STPG2: variants seen among roughly 807,000 people sequenced by gnomAD.
STPG2 encodes sperm tail PG-rich repeat containing 2, also known as sperm-tail PG-rich repeat-containing protein 2.
In STPG2, 56 loss-of-function variants were observed where a neutral mutation model predicts 54.2. The ratio of observed to expected loss-of-function variants is 1.03; its 90% confidence interval spans 0.83 to 1.29. STPG2 has a LOEUF of 1.29. Among genes scored for constraint, STPG2 ranks in the 50% most tolerant of loss-of-function variants. STPG2 has a pLI of 0.00. For missense variants in STPG2, 596 were observed against 544.9 expected (o/e 1.09, Z -0.93); for synonymous variants, 200 against 181.8 (o/e 1.10, Z -0.81).
chr4:97,954,089 T>C (rs1304217459), intron 7 of STPG2, among the ~76,000 whole-genome samples: 1 of 152,208 alleles, frequency 6.6e-6, no homozygotes, highest in Non-Finnish European at 1.5e-5. Context: ...GTTACCAACT[T>C]TGAATGAAAT....
chr4:97,517,284 G>A (rs1460323274), intron 4 of STPG2, among the ~76,000 whole-genome samples: 2 of 152,048 alleles, frequency 1.3e-5, no homozygotes, highest in African/African-American at 4.8e-5. Flanking sequence ...TCTGAGGCAG[G>A]AAAATTGCTT....
At chr4:98,060,767 C>A (rs537181793) in intron 5 of STPG2, among the ~76,000 whole-genome samples, 1 of 152,146 alleles carries the variant, frequency 6.6e-6, no homozygotes, top group South Asian at 2.1e-4. Context: ...GACTCCACCA[C>A]CTAAAACCAC....
intron 8 of STPG2, among the ~76,000 whole-genome samples, chr4:97,897,506 A>G (rs1477327070): frequency 6.6e-6 from 1 of 152,132 alleles, no homozygotes; most frequent in Non-Finnish European, 1.5e-5. Flanking sequence ...TAGTTGAACT[A>G]ATTTACACTC....
intron 10 of STPG2, among the ~76,000 whole-genome samples, chr4:97,609,064 T>A (rs1187234784): frequency 2.0e-5 from 3 of 152,128 alleles, no homozygotes; most frequent in Non-Finnish European, 2.9e-5. Flanking sequence ...AGCATTTTTT[T>A]ATCCTTAATT....
chr4:97,834,675 C>T (rs757074287), intron 9 of STPG2, among the ~76,000 whole-genome samples: 1 of 151,988 alleles, frequency 6.6e-6, no homozygotes, highest in Non-Finnish European at 1.5e-5. Flanking sequence ...CTAGTCTCAT[C>T]AGTTGTTTTC....
chr4:97,760,689 A>G (rs1725864841), intron 9 of STPG2, among the ~76,000 whole-genome samples: 1 of 152,194 alleles, frequency 6.6e-6, no homozygotes, highest in African/African-American at 2.4e-5. Context: ...CTTACTGTCT[A>G]TGTGCATACC....
intron 5 of STPG2, among the ~76,000 whole-genome samples, chr4:97,988,772 A>C (rs2149267813): frequency 6.6e-6 from 1 of 152,198 alleles, no homozygotes; most frequent in East Asian, 1.9e-4. Context: ...GGCCCGGCTA[A>C]CTTTTGTATT....
At chr4:98,096,677 C>CA (rs1738869221) in intron 5 of STPG2, among the ~76,000 whole-genome samples, 1 of 151,612 alleles carries the variant, frequency 6.6e-6, no homozygotes, top group Non-Finnish European at 1.5e-5. Context: ...ATTAATGAAA[C>CA]AAAAAATGGT....
intron 10 of STPG2, among the ~76,000 whole-genome samples, chr4:97,560,759 A>T (rs1732208415): frequency 6.6e-6 from 1 of 152,212 alleles, no homozygotes; most frequent in Non-Finnish European, 1.5e-5. Context: ...AGTAAAGAAG[A>T]TCAGAGACCT....
rs376861239 is a variant in STPG2 at position 97,641,131 on chromosome 4, A to G, written c.1320+71568T>C. On this transcript the variant is annotated intron_variant, in intron 10 of 10. Transcript: ENST00000295268. ...TTGTGCTAGACATGATAGCCAGGAC[A>G]ACAAAGAAAGATAAAAGAAATAAAA... Among the ~76,000 whole-genome samples the G allele has an allele frequency of 7.4e-4, 112 of 151,806 alleles. 4 individuals are homozygous for G. In the South Asian group the frequency reaches 0.022, roughly 30 times the overall value.
chr4:97,636,855 T>A (rs1024317780), intron 10 of STPG2, among the ~76,000 whole-genome samples: 8 of 151,480 alleles, frequency 5.3e-5, no homozygotes, highest in Non-Finnish European at 8.9e-5. Context: ...AATCAATAGC[T>A]TACCAACCAA....
intron 10 of STPG2, among the ~76,000 whole-genome samples, chr4:97,634,328 A>G (rs927943796): frequency 4.6e-5 from 7 of 152,244 alleles, no homozygotes; most frequent in African/African-American, 1.4e-4. Context: ...CATCCACACC[A>G]AAAACCCATC....
chr4:97,955,542 G>A (rs976497891), intron 7 of STPG2, among the ~76,000 whole-genome samples: 5 of 152,174 alleles, frequency 3.3e-5, no homozygotes, highest in South Asian at 2.1e-4. Context: ...AAGAGTGTTC[G>A]AGGCATGGTG....
chr4:97,920,136 GA>G (rs1347401387), intron 8 of STPG2, among the ~76,000 whole-genome samples: 1 of 152,160 alleles, frequency 6.6e-6, no homozygotes, highest in Non-Finnish European at 1.5e-5. Context: ...ACACTGAGAG[GA>G]CAGGATTCTG....
At chr4:97,957,330 T>C (rs1733718769) in intron 7 of STPG2, among the ~76,000 whole-genome samples, 1 of 151,486 alleles carries the variant, frequency 6.6e-6, no homozygotes, top group Non-Finnish European at 1.5e-5. Context: ...AAGAAGGAAC[T>C]TGAAGCTTGA....
intron 8 of STPG2, among the ~76,000 whole-genome samples, chr4:97,874,115 A>G (rs946831330): frequency 6.6e-6 from 1 of 151,664 alleles, no homozygotes; most frequent in Non-Finnish European, 1.5e-5. Context: ...AAAGGCAGAT[A>G]TCAAAAGTAA....
intron 5 of STPG2, among the ~76,000 whole-genome samples, chr4:98,005,362 C>G (rs142221382): frequency 6.6e-6 from 1 of 152,278 alleles, no homozygotes; most frequent in African/African-American, 2.4e-5. Context: ...CAAGTTGACA[C>G]TTAGTATTAA....
chr4:97,589,402 A>G (rs904975888), intron 10 of STPG2, among the ~76,000 whole-genome samples: 2 of 152,090 alleles, frequency 1.3e-5, no homozygotes, highest in Admixed American at 6.6e-5. Context: ...AAATATTTTA[A>G]AGTAATAAAA....
chr4:97,737,934 G>C (rs902363782), intron 9 of STPG2, among the ~76,000 whole-genome samples: 17 of 152,050 alleles, frequency 1.1e-4, no homozygotes, highest in African/African-American at 3.4e-4. Context: ...TTGAAATGAA[G>C]GAAAAAATGT....
Sources: gnomAD v4.1 joint callset for allele counts (sites outside exome capture counted in the v4.1 genomes callset) on GRCh38, gnomAD v4.1.1 for gene constraint, MANE v1.5 for transcripts, NCBI Gene and HGNC (gene_info 2026-07-23, HGNC 2026-07-21) for gene names.